VPS13B: variants seen among roughly 807,000 people sequenced by gnomAD.
The protein encoded by VPS13B is vacuolar protein sorting 13 homolog B.
A neutral mutation model predicts 426.4 loss-of-function variants in VPS13B; 285 were observed. That is an observed-to-expected ratio of 0.67 (90% CI 0.61 to 0.74). The LOEUF (loss-of-function observed/expected upper bound fraction) is 0.74. Ranked by LOEUF, VPS13B falls within the 30% of genes least tolerant of loss-of-function variation. The pLI, the probability that VPS13B is intolerant of heterozygous loss-of-function variation, is 0.00. For synonymous variants in VPS13B, 1,676 were observed against 1,676.4 expected, an observed-to-expected ratio of 1.00 and a Z score of 0.01; for missense variants, 4,537 against 4,782.6, an observed-to-expected ratio of 0.95 and a Z score of 1.51.
intron 17 of VPS13B, among the ~76,000 whole-genome samples, chr8:99,228,077 C>T (rs182258611): frequency 6.6e-6 from 1 of 152,150 alleles, no homozygotes; most frequent in Admixed American, 6.5e-5. Flanking sequence ...AATTGTTCAC[C>T]TATTCTGTGA....
chr8:99,135,022 T>A lies in VPS13B; in HGVS notation c.1310T>A (p.Met437Lys). ...EQEGTTVEAL[M>K]MGEPFFDCQI... Reference sequence around the variant, plus strand: ...TTTCCTTTCGTCTTATAGGCCCTTATGATGGGAGAACCTTTCTTTGATTGC... The same window carrying A: ...TTTCCTTTCGTCTTATAGGCCCTTAAGATGGGAGAACCTTTCTTTGATTGC... Residue 437 changes from methionine to lysine, a missense_variant, in exon 10 of 62, where the codon ATG becomes AAG. Transcript: ENST00000357162. The A allele has an allele frequency of 6.2e-7, 1 of 1,613,554 alleles. No individual in the cohort carries two copies. The highest frequency in any genetic ancestry group is 8.5e-7 in the Non-Finnish European group (1 of 1,179,586).
intron 23 of VPS13B, among the ~76,000 whole-genome samples, chr8:99,462,625 C>G (rs1449030452): frequency 6.6e-6 from 1 of 152,036 alleles, no homozygotes; most frequent in Non-Finnish European, 1.5e-5. Flanking sequence ...GCCCAGATAC[C>G]CATTTTAGCT....
At chr8:99,600,703 G>A (rs1258475261) in intron 33 of VPS13B, among the ~76,000 whole-genome samples, 1 of 152,158 alleles carries the variant, frequency 6.6e-6, no homozygotes, top group Admixed American at 6.5e-5. Flanking sequence ...TGCCTGAGAG[G>A]CAGTGTCTCA....
In VPS13B at chr8:99,421,531, T is replaced by G. The variant is rs62534580; in HGVS notation, c.3083-10006T>G. 8.2e-3 allele frequency among the ~76,000 whole-genome samples: 1,252 copies of G among 152,306 alleles called. 8 individuals are homozygous for G. The highest frequency in any genetic ancestry group is 0.013 in the Non-Finnish European group (858 of 68,024). On this transcript the variant is annotated intron_variant, in intron 21 of 61. Coordinates refer to ENST00000357162, the MANE Select transcript of VPS13B (RefSeq NM_152564.5). The stretch of plus-strand genomic sequence containing the variant: ...AGGATGGACCCTGGAACCAGTCTGC[T>G]TAGATTTACATCCTTGTTTTGCCAC...
At chr8:99,588,209 T>C (rs113246852) in intron 33 of VPS13B, among the ~76,000 whole-genome samples, 7,005 of 151,812 alleles carry the variant, frequency 0.046, 257 homozygotes, top group East Asian at 0.06. Flanking sequence ...CATGCTGTTT[T>C]GGTTACTGTA....
At position 99,853,994 on chromosome 8, in the gene VPS13B, C is replaced by T. The variant is rs937349095; in HGVS notation, c.10605C>T (p.His3535=). 5.6e-6 allele frequency: 9 copies of T among 1,614,242 alleles called. No homozygotes were observed. Among genetic ancestry groups the T allele is most frequent in the East Asian group, 2.2e-5 (1 of 44,884 alleles). Residue 3535 remains histidine, a synonymous_variant, in exon 56 of 62, where the codon CAC becomes CAT. Transcript: ENST00000357162. The part of the protein sequence containing the change: ...PNSRLAGHST[H]LSGGKQVLPM... The stretch of plus-strand genomic sequence containing the variant: ...GCAGGTTGGCTGGTCACTCCACACA[C>T]CTCTCCGGGGGTAAACAGGTGTTGC...
intron 33 of VPS13B, among the ~76,000 whole-genome samples, chr8:99,606,574 G>A (rs1164846321): frequency 1.3e-5 from 2 of 150,494 alleles, no homozygotes; most frequent in African/African-American, 2.4e-5. Context: ...GCTTCAGGAG[G>A]GCCATAGGGG....
chr8:99,393,901 A>C (rs961146260), intron 21 of VPS13B, among the ~76,000 whole-genome samples: 2 of 152,236 alleles, frequency 1.3e-5, no homozygotes, highest in African/African-American at 4.8e-5. Flanking sequence ...TAGAATAAAA[A>C]TATATTTTAT....
chr8:99,184,187 A>G (rs1409274278), intron 16 of VPS13B, among the ~76,000 whole-genome samples: 2 of 152,204 alleles, frequency 1.3e-5, no homozygotes, highest in African/African-American at 4.8e-5. Flanking sequence ...TGCCATGAAC[A>G]TGTAGTCTTT....
In VPS13B at chr8:99,876,100, T is replaced by TTAAC. The variant is rs887832259; in HGVS notation, c.*436_*439dup. 2 of 180,246 alleles carry TTAAC rather than the reference T, an allele frequency of 1.1e-5. No homozygotes were observed. The highest frequency in any genetic ancestry group is 5.4e-5 in the African/African-American group (2 of 37,000). The allele number at this position is 180,246 out of a possible 1,614,324, so 11.2% of individuals were successfully genotyped here. ...TACTGTAATTAATTTGGGTCTATTA[T>TTAAC]TAACTCTCTGTTCCATCATAGAATG... On this transcript the variant is annotated 3_prime_UTR_variant, in exon 62 of 62. Coordinates refer to ENST00000357162, the MANE Select transcript of VPS13B (RefSeq NM_152564.5).
Position 99,720,452 on chromosome 8 carries a change from G to A in VPS13B, c.6765G>A (p.Val2255=), listed in dbSNP as rs544426092. 2 of 1,613,972 alleles carry A rather than the reference G, an allele frequency of 1.2e-6. No homozygotes were observed. Among genetic ancestry groups the A allele is most frequent in the East Asian group, 2.2e-5 (1 of 44,862 alleles). ...TTGAAGTACAAGTTTCTGAACCAGT[G>A]CCTCAAATGTCATCTCCTGTGGAAA... ...GNFEVQVSEP[V]PQMSSPVEKN... The change falls in exon 38 of 62, where the codon GTG becomes GTA. Residue 2255 remains valine, a synonymous_variant. Transcript: ENST00000357162.
chr8:99,234,327 G>A, intron 17 of VPS13B: 1 of 753,986 alleles, frequency 1.3e-6, no homozygotes, highest in Non-Finnish European at 2.5e-6. Flanking sequence ...ATCCCGTGTT[G>A]AGCCAAAGGT....
chr8:99,773,290 C>G (rs1369085601), intron 40 of VPS13B, among the ~76,000 whole-genome samples: 1 of 152,150 alleles, frequency 6.6e-6, no homozygotes, highest in Non-Finnish European at 1.5e-5. Flanking sequence ...TCATTCTCTG[C>G]TTAATCTCAC....
intron 21 of VPS13B, among the ~76,000 whole-genome samples, chr8:99,425,862 T>C (rs1816671158): frequency 6.6e-6 from 1 of 152,188 alleles, no homozygotes; most frequent in Non-Finnish European, 1.5e-5. Context: ...AGTCTCAGGA[T>C]ACAAAATAAA....
intron 30 of VPS13B, among the ~76,000 whole-genome samples, chr8:99,534,376 A>G (rs1823084185): frequency 1.3e-5 from 2 of 152,190 alleles, no homozygotes; most frequent in South Asian, 4.1e-4. Flanking sequence ...ATTTACTTTT[A>G]TATTGCCACT....
At chr8:99,492,821 AC>A (rs1820686345) in intron 25 of VPS13B, among the ~76,000 whole-genome samples, 1 of 152,148 alleles carries the variant, frequency 6.6e-6, no homozygotes, top group Non-Finnish European at 1.5e-5. Context: ...CCTTGCGCTT[AC>A]CAGGTGAGGA....
At chr8:99,712,508 G>A (rs544576123) in intron 36 of VPS13B, among the ~76,000 whole-genome samples, 1 of 152,258 alleles carries the variant, frequency 6.6e-6, no homozygotes, top group African/African-American at 2.4e-5. Flanking sequence ...GTTGTCACCA[G>A]AACATAGCTA....
At chr8:99,457,778 T>A (rs1209693294) in intron 23 of VPS13B, among the ~76,000 whole-genome samples, 1 of 152,178 alleles carries the variant, frequency 6.6e-6, no homozygotes, top group Non-Finnish European at 1.5e-5. Flanking sequence ...AATTGTGATA[T>A]GTTTACATTT....
intron 12 of VPS13B, among the ~76,000 whole-genome samples, chr8:99,139,772 A>C (rs187264417): frequency 9.2e-5 from 14 of 152,152 alleles, no homozygotes; most frequent in East Asian, 1.9e-4. Context: ...GGTTTACCTG[A>C]AACAAGAAAT....
Sources: allele counts gnomAD v4.1 joint callset (sites outside exome capture counted in the v4.1 genomes callset), GRCh38; gene constraint gnomAD v4.1.1; transcripts MANE v1.5; gene names NCBI Gene and HGNC (gene_info 2026-07-23, HGNC 2026-07-21).